Variants in SNX5 observed in about 807,000 individuals in gnomAD.
SNX5 encodes the protein sorting nexin-5.
A neutral mutation model predicts 53.9 loss-of-function variants in SNX5; 31 were observed. The observed-to-expected ratio is 0.58, with a 90% confidence interval of 0.43 to 0.78. The LOEUF is 0.78. Ranked by LOEUF, SNX5 falls within the 30% of genes least tolerant of loss-of-function variation. SNX5 has a pLI of 0.00. For missense variants in SNX5, 471 were observed against 478.8 expected (o/e 0.98, Z 0.15); for synonymous variants, 168 against 171.1 (o/e 0.98, Z 0.14).
intron 4 of SNX5, among the ~76,000 whole-genome samples, chr20:17,953,143 T>C (rs1341616993): frequency 6.6e-6 from 1 of 152,162 alleles, no homozygotes; most frequent in Non-Finnish European, 1.5e-5. Context: ...TTCCTAACGG[T>C]AGAAACTTGG....
At chr20:17,967,318 CTTTG>C (rs66607567) in intron 1 of SNX5, among the ~76,000 whole-genome samples, 4,082 of 147,122 alleles carry the variant, frequency 0.028, 181 homozygotes, top group African/African-American at 0.095. Flanking sequence ...CAAGTTTCCA[CTTTG>C]TTTTAGTAAT....
intron 5 of SNX5, 31 bp downstream of exon 5, chr20:17,952,555 TG>T: frequency 6.3e-7 from 1 of 1,599,214 alleles, no homozygotes; most frequent in South Asian, 1.1e-5. Context: ...ACATTTGAAG[TG>T]GATTATCAAA....
intron 5 of SNX5, 46 bp downstream of exon 5, chr20:17,952,541 A>T: frequency 6.3e-7 from 1 of 1,578,348 alleles, no homozygotes; most frequent in Non-Finnish European, 8.6e-7. Context: ...TTTTGAAAGT[A>T]TAAACATTTG....
At position 17,947,616 on chromosome 20, in the gene SNX5, G is replaced by C; in HGVS notation, c.948C>G (p.Leu316=). 1 of 1,613,972 alleles carries C rather than the reference G, an allele frequency of 6.2e-7. No individual in the cohort carries two copies. Among genetic ancestry groups the C allele is most frequent in the African/African-American group, 1.3e-5 (1 of 75,022 alleles). Residue 316 remains leucine, a synonymous_variant, in exon 11 of 13, where the codon CTC becomes CTG. Transcript: ENST00000377759. The part of the protein sequence containing the change: ...KDLLYRRTKA[L]IDYENSNKAL... The stretch of plus-strand genomic sequence containing the variant: ...CTTTGTTTGAGTTCTCATAGTCAAT[G>C]AGGGCTTTGGTGCGTCTGTATAAGA...
chr20:17,967,893 T>A (rs1011595886), intron 1 of SNX5: 1 of 396,946 alleles, frequency 2.5e-6, no homozygotes, highest in East Asian at 3.6e-5. Context: ...GTAAGCAGCA[T>A]GTTCGGACGC....
Position 17,952,664 on chromosome 20 carries a change from A to G in SNX5, c.436T>C (p.Phe146Leu). 1 of 1,614,152 alleles carries G rather than the reference A, an allele frequency of 6.2e-7. No individual in the cohort carries two copies. Among genetic ancestry groups the G allele is most frequent in the South Asian group, 1.1e-5 (1 of 91,078 alleles). Reference sequence around the variant, plus strand: ...GGGTGAGAAGAAAGCCGCTGAAGAAAGACTTCATGGGAGGACACAGTCTTC... The same window carrying G: ...GGGTGAGAAGAAAGCCGCTGAAGAAGGACTTCATGGGAGGACACAGTCTTC... ...FKKTVSSHEV[F>L]LQRLSSHPVL... Residue 146 changes from phenylalanine (F) to leucine (L), a missense_variant, in exon 5 of 13, where the codon TTT becomes CTT. Transcript: ENST00000377759.
At chr20:17,951,451 T>C in intron 6 of SNX5, 49 bp downstream of exon 6, 1 of 1,056,950 alleles carries the variant, frequency 9.5e-7, no homozygotes. Context: ...AAAGGTCACC[T>C]ATTCCCGATG....
intron 1 of SNX5, among the ~76,000 whole-genome samples, chr20:17,963,361 G>C (rs181515094): frequency 1.8e-3 from 280 of 152,290 alleles, no homozygotes; most frequent in Non-Finnish European, 3.5e-3. Context: ...AACACTCTGG[G>C]AGGCTGAGGT....
rs2039547669 is a variant in SNX5, at chr20:17,950,296, T to C, written c.710A>G (p.His237Arg). Residue 237 changes from histidine to arginine, a missense_variant, in exon 7 of 13, where the codon CAT becomes CGT. Physicochemically the swap from His to Arg is conservative, Grantham distance 29 (BLOSUM62 0). Coordinates refer to ENST00000377759, the MANE Select transcript of SNX5 (RefSeq NM_014426.4). ...TAGCGGTAAATGATATTTACTTTTA[T>C]GAGATCTGGTCATTTTGTCAGCTTT... is the stretch of plus-strand genomic sequence containing the variant. ...CVKADKMTRSHKNVADDYIHT... is the reference protein window; with the variant it reads ...CVKADKMTRSRKNVADDYIHT... 1.2e-6 allele frequency: 2 copies of C among 1,609,530 alleles called. No individual in the cohort carries two copies. Among genetic ancestry groups the C allele is most frequent in the Non-Finnish European group, 1.7e-6 (2 of 1,175,924 alleles).
At chr20:17,966,336 G>C (rs2035536276) in intron 1 of SNX5, among the ~76,000 whole-genome samples, 1 of 150,818 alleles carries the variant, frequency 6.6e-6, no homozygotes, top group African/African-American at 2.5e-5. Flanking sequence ...AGTGAGCTGA[G>C]ATCGAGCCAT....
At chr20:17,956,046 GGAT>G (rs1282933129) in intron 2 of SNX5, among the ~76,000 whole-genome samples, 1 of 152,104 alleles carries the variant, frequency 6.6e-6, no homozygotes, top group African/African-American at 2.4e-5. Flanking sequence ...CGAAGTGCTA[GGAT>G]TACAGGTGTG....
chr20:17,967,553 G>T (rs2035568003), intron 1 of SNX5: 1 of 152,250 alleles, frequency 6.6e-6, no homozygotes, highest in African/African-American at 2.4e-5. Flanking sequence ...AGAGAGCCTT[G>T]TATTTTTAGA....
At chr20:17,944,451 A>G (rs1173481029) in intron 11 of SNX5, 1 of 152,208 alleles carries the variant, frequency 6.6e-6, no homozygotes, top group Non-Finnish European at 1.5e-5. Context: ...AAAACTTAAA[A>G]CATTTTTAAA....
At chr20:17,961,630 T>C (rs562994781) in intron 1 of SNX5, 2 of 984,206 alleles carry the variant, frequency 2.0e-6, no homozygotes, top group Non-Finnish European at 2.4e-6. Flanking sequence ...AAGACACATA[T>C]CTATTTAAAT....
intron 3 of SNX5, 36 bp from the exon 4 acceptor site, chr20:17,954,153 C>G (rs756514562): frequency 6.2e-7 from 1 of 1,609,092 alleles, no homozygotes; most frequent in South Asian, 1.1e-5. Context: ...GCCTCTTGTC[C>G]CAGCAGCGAT....
At chr20:17,946,671 ATCG>A (rs1371950853) in intron 11 of SNX5, among the ~76,000 whole-genome samples, 1 of 152,224 alleles carries the variant, frequency 6.6e-6, no homozygotes, top group African/African-American at 2.4e-5. Context: ...TCTTTCTGCA[ATCG>A]TCAGAGTAAC....
intron 2 of SNX5, 46 bp from the exon 3 acceptor site, chr20:17,955,521 A>T: frequency 7.3e-7 from 1 of 1,364,112 alleles, no homozygotes; most frequent in Non-Finnish European, 1.0e-6. Flanking sequence ...ACTTTTAGAT[A>T]AGTGATCTGG....
At chr20:17,966,633 C>G (rs768249717) in intron 1 of SNX5, among the ~76,000 whole-genome samples, 2 of 152,152 alleles carry the variant, frequency 1.3e-5, no homozygotes, top group Non-Finnish European at 2.9e-5. Flanking sequence ...TCAAGTATGT[C>G]CCCCTACCTT....
At chr20:17,950,243 C>G (rs2039546880) in intron 7 of SNX5, 36 bp from the exon 8 acceptor site, 1 of 1,612,446 alleles carries the variant, frequency 6.2e-7, no homozygotes, top group Non-Finnish European at 8.5e-7. Context: ...TATCCAAACA[C>G]AGCCAGGCTC....
Sources: gnomAD v4.1 joint callset for allele counts (sites outside exome capture counted in the v4.1 genomes callset) on GRCh38, gnomAD v4.1.1 for gene constraint, MANE v1.5 for transcripts, NCBI Gene and HGNC (gene_info 2026-07-23, HGNC 2026-07-21) for gene names.